CLEC16A: variants seen among roughly 807,000 people sequenced by gnomAD.
CLEC16A encodes C-type lectin domain containing 16A.
In CLEC16A, 51 loss-of-function variants were observed where a neutral mutation model predicts 109.5. The observed-to-expected ratio is 0.47, with a 90% CI of 0.37 to 0.59. The LOEUF (loss-of-function observed/expected upper bound fraction) is 0.59. Among genes scored for constraint, CLEC16A ranks in the 20% least tolerant of loss-of-function variants. The pLI is 0.00. For synonymous variants in CLEC16A, 673 were observed against 564.2 expected, an observed-to-expected ratio of 1.19 and a Z score of -2.73; for missense variants, 1,339 against 1,394.0, an observed-to-expected ratio of 0.96 and a Z score of 0.63.
At chr16:11,042,177 A>G (rs1391750019) in intron 14 of CLEC16A, 77 bp from the exon 15 acceptor site, 4 of 1,079,846 alleles carry the variant, frequency 3.7e-6, no homozygotes, top group Non-Finnish European at 5.5e-6. Context: ...GCTAGCCTCA[A>G]CGTGGATAGG....
chr16:11,053,890 CAG>C (rs2048075749), intron 18 of CLEC16A, among the ~76,000 whole-genome samples: 1 of 152,226 alleles, frequency 6.6e-6, no homozygotes, highest in African/African-American at 2.4e-5. Context: ...CTGAAGAAAT[CAG>C]AGCCTTAGAG....
At chr16:11,013,387 G>A (rs1384138467) in intron 11 of CLEC16A, among the ~76,000 whole-genome samples, 1 of 152,140 alleles carries the variant, frequency 6.6e-6, no homozygotes, top group Non-Finnish European at 1.5e-5. Context: ...CCACCACTTT[G>A]GGAGGCTGAG....
chr16:11,028,845 C>G (rs912409017), intron 13 of CLEC16A, among the ~76,000 whole-genome samples: 1 of 152,212 alleles, frequency 6.6e-6, no homozygotes, highest in Non-Finnish European at 1.5e-5. Flanking sequence ...GTAAGCACTG[C>G]TTTACCTGCA....
intron 22 of CLEC16A, among the ~76,000 whole-genome samples, chr16:11,159,336 A>G (rs2054639169): frequency 6.6e-6 from 1 of 152,184 alleles, no homozygotes; most frequent in Admixed American, 6.5e-5. Flanking sequence ...AATAAAGGGA[A>G]ACAGATGACA....
At chr16:10,990,107 G>C (rs1392173193) in intron 10 of CLEC16A, among the ~76,000 whole-genome samples, 1 of 152,206 alleles carries the variant, frequency 6.6e-6, no homozygotes, top group Non-Finnish European at 1.5e-5. Flanking sequence ...GAATATCAAA[G>C]GGTAAAGATA....
At chr16:11,052,946 T>A (rs979592327) in intron 18 of CLEC16A, among the ~76,000 whole-genome samples, 7 of 152,204 alleles carry the variant, frequency 4.6e-5, no homozygotes, top group Non-Finnish European at 7.4e-5. Flanking sequence ...CATCCTGGAG[T>A]GCAGTGTTGC....
intron 11 of CLEC16A, among the ~76,000 whole-genome samples, chr16:11,009,660 T>C (rs1366608018): frequency 2.6e-5 from 4 of 152,200 alleles, no homozygotes; most frequent in African/African-American, 9.6e-5. Context: ...CTGCCTGGCA[T>C]GGGAACTGAT....
rs1567531057 is a variant in CLEC16A, at chr16:10,977,512, T to TTTG, written c.903+115_903+116insGTT. 1.4e-5 allele frequency: 14 copies of TTTG among 996,450 alleles called. No homozygotes were observed. The African/African-American group carries it at 2.1e-4, about 15-fold the overall frequency. 61.7% of individuals were successfully genotyped at this position (996,450 alleles called of 1,614,324 possible). Reference sequence around the variant, plus strand: ...TTGCAAATCAGGACTGAGGTTTTTTTTTTGTTTGTTTGTTTTTAAAAGACG... The same window carrying TTTG: ...TTGCAAATCAGGACTGAGGTTTTTTTTTGTTTGTTTGTTTGTTTTTAAAAGACG... On this transcript the variant is annotated intron_variant, in intron 8 of 23. Coordinates refer to ENST00000409790, the MANE Select transcript of CLEC16A (RefSeq NM_015226.3).
chr16:11,121,100 A>G (rs983948637), intron 20 of CLEC16A, among the ~76,000 whole-genome samples: 1 of 152,200 alleles, frequency 6.6e-6, no homozygotes, highest in African/African-American at 2.4e-5. Context: ...AAAATTATAT[A>G]CATATACTTG....
intron 10 of CLEC16A, among the ~76,000 whole-genome samples, chr16:10,984,058 G>A (rs1364028001): frequency 6.6e-6 from 1 of 152,142 alleles, no homozygotes; most frequent in Non-Finnish European, 1.5e-5. Flanking sequence ...GTTTCATAAA[G>A]GTTTCCTCTC....
intron 22 of CLEC16A, among the ~76,000 whole-genome samples, chr16:11,137,784 G>C (rs1200710253): frequency 6.6e-6 from 1 of 152,012 alleles, no homozygotes; most frequent in Non-Finnish European, 1.5e-5. Context: ...ACTCCAGCCT[G>C]GGTAACAGAG....
At chr16:11,125,845 T>G (rs2052766923) in intron 21 of CLEC16A, 134 bp from the exon 22 acceptor site, 1 of 828,336 alleles carries the variant, frequency 1.2e-6, no homozygotes, top group Admixed American at 2.2e-5. Flanking sequence ...TGAGGCTGCC[T>G]GCCGCCCACT....
In CLEC16A at chr16:11,178,224, C is replaced by CACCT; in HGVS notation, c.2807-110_2807-107dup. The CACCT allele has an allele frequency of 1.1e-6, 1 of 938,836 alleles. No individual in the cohort carries two copies. Among genetic ancestry groups the CACCT allele is most frequent in the Non-Finnish European group, 1.6e-6 (1 of 612,004 alleles). 58.2% of individuals were successfully genotyped at this position (938,836 alleles called of 1,614,324 possible). On this transcript the variant is annotated intron_variant, in intron 23 of 23. Coordinates refer to ENST00000409790, the MANE Select transcript of CLEC16A (RefSeq NM_015226.3). This position sits in a 1 kb window ranked among gnomAD's most constrained non-coding sequence, Gnocchi z 6.5. ...ACGCTGAGCCCTCACGCCAGCCAGCCACCTCCCACCTAGCTCACCAGGGCC... is the reference window on the plus strand; with the variant it reads ...ACGCTGAGCCCTCACGCCAGCCAGCCACCTACCTCCCACCTAGCTCACCAGGGCC...
chr16:11,042,389 C>A, intron 15 of CLEC16A, 26 bp downstream of exon 15: 2 of 1,524,492 alleles, frequency 1.3e-6, no homozygotes, highest in Non-Finnish European at 1.8e-6. Context: ...CTCCTCCTTC[C>A]TGTGGGCCAA....
rs2068933623 is a variant in CLEC16A, at chr16:11,180,855, G to C, written c.*2165G>C. 1 of 152,564 alleles carries C rather than the reference G, an allele frequency of 6.6e-6. No individual in the cohort carries two copies. The highest frequency in any genetic ancestry group is 2.4e-5 in the African/African-American group (1 of 41,452). The allele number at this position is 152,564 out of a possible 1,614,324, so 9.5% of individuals were successfully genotyped here. ...ACTGAAGGAGAGAGGTCTTGGTCAG[G>C]GCTGGACAGCATGCCCGGGAGGACC... is the stretch of plus-strand genomic sequence containing the variant. On this transcript the variant is annotated 3_prime_UTR_variant, in exon 24 of 24. Transcript: ENST00000409790.
At chr16:10,962,670 C>T (rs1286901175) in intron 3 of CLEC16A, 82 bp downstream of exon 3, 3 of 1,475,704 alleles carry the variant, frequency 2.0e-6, no homozygotes, top group African/African-American at 2.8e-5. Flanking sequence ...TGTGTCTGCG[C>T]TTACTATTCG....
intron 22 of CLEC16A, among the ~76,000 whole-genome samples, chr16:11,155,769 GCTGCAGAAGTTAA>G (rs2054488146): frequency 6.6e-6 from 1 of 152,210 alleles, no homozygotes; most frequent in African/African-American, 2.4e-5. Context: ...AGGTGACCCA[GCTGCAGAAGTTAA>G]CTACCCCACC....
chr16:11,131,996 C>G (rs1250837160), intron 22 of CLEC16A, among the ~76,000 whole-genome samples: 1 of 152,204 alleles, frequency 6.6e-6, no homozygotes, highest in Admixed American at 6.5e-5. Flanking sequence ...GGCTCTGCTC[C>G]GATACCTCAA....
rs1248914721 is a variant in CLEC16A, at chr16:11,040,087, C to G, written c.1660+211C>G. Reference sequence around the variant, plus strand: ...AGCTCTGGGTCTCCTTTTGCCATCCCATCCCCTGCCACTTGGTAACCATCT... The same window carrying G: ...AGCTCTGGGTCTCCTTTTGCCATCCGATCCCCTGCCACTTGGTAACCATCT... On this transcript the variant is annotated intron_variant, in intron 14 of 23. Transcript: ENST00000409790. 7.9e-6 allele frequency: 4 copies of G among 509,442 alleles called. No individual in the cohort carries two copies. The South Asian group carries it at 1.4e-4, about 18-fold the overall frequency. 31.6% of individuals were successfully genotyped at this position (509,442 alleles called of 1,614,324 possible).
Sources: allele counts gnomAD v4.1 joint callset (sites outside exome capture counted in the v4.1 genomes callset), GRCh38; gene constraint gnomAD v4.1.1; non-coding constraint Gnocchi (gnomAD v3.1); transcripts MANE v1.5; gene names NCBI Gene and HGNC (gene_info 2026-07-23, HGNC 2026-07-21).